Variants in TRAF1 observed in about 807,000 individuals in gnomAD.
The protein encoded by TRAF1 is TNF receptor-associated factor 1.
Under a neutral mutation model 40.9 loss-of-function variants are expected in TRAF1, and 23 were observed. That is an observed-to-expected ratio of 0.56 (90% CI 0.40 to 0.80). The LOEUF is 0.80. Ranked by LOEUF, TRAF1 falls within the 30% of genes least tolerant of loss-of-function variation. The pLI is 0.00. For synonymous variants in TRAF1, 206 were observed against 218.8 expected, an observed-to-expected ratio of 0.94 and a Z score of 0.52; for missense variants, 477 against 528.7, an observed-to-expected ratio of 0.90 and a Z score of 0.96.
chr9:120,911,857 C>T (rs761808700), intron 5 of TRAF1, among the ~76,000 whole-genome samples: 1 of 152,202 alleles, frequency 6.6e-6, no homozygotes, highest in Non-Finnish European at 1.5e-5. Context: ...TGGGCCCATG[C>T]TCATTGTGTC....
chr9:120,925,791 A>G (rs1588154313), intron 2 of TRAF1, 145 bp downstream of exon 2: 1 of 1,159,626 alleles, frequency 8.6e-7, no homozygotes, highest in South Asian at 1.5e-5. Context: ...AGTGTCAGGG[A>G]GTGTGAGAAA....
upstream of TRAF1, chr9:120,929,133 C>T (rs912291123): frequency 6.6e-6 from 1 of 152,450 alleles, no homozygotes; most frequent in Non-Finnish European, 1.5e-5. This position sits in a 1 kb window ranked among gnomAD's most constrained non-coding sequence, Gnocchi z 4.5. Context: ...GCCTCCGCCA[C>T]CGCCTACCGG....
Position 120,913,451 on chromosome 9 carries a change from C to T in TRAF1, c.582G>A (p.Leu194=), listed in dbSNP as rs762091860. 3.7e-6 allele frequency: 6 copies of T among 1,613,888 alleles called. No homozygotes were observed. Among genetic ancestry groups the T allele is most frequent in the Middle Eastern group, 1.6e-4 (1 of 6,084 alleles). Residue 194 remains leucine (L), a synonymous_variant, in exon 5 of 8, where the codon CTG becomes CTA. Transcript: ENST00000373887. Reference sequence around the variant, plus strand: ...CAGCAACAATGTTCTCAAACACACGCAGCTTCCCCTCCAGCTCAGCCAGAA... The same window carrying T: ...CAGCAACAATGTTCTCAAACACACGTAGCTTCCCCTCCAGCTCAGCCAGAA... ...EKLLAELEGK[L]RVFENIVAVL...
intron 3 of TRAF1, among the ~76,000 whole-genome samples, chr9:120,919,821 G>A (rs2046593548): frequency 6.6e-6 from 1 of 152,194 alleles, no homozygotes; most frequent in African/African-American, 2.4e-5. Context: ...AAGCCTGACT[G>A]TGTTATTTAA....
rs754567721 is a variant in TRAF1 at position 120,911,522 on chromosome 9, A to T, written c.706-9T>A. 1.8e-5 allele frequency: 29 copies of T among 1,605,694 alleles called. No individual in the cohort carries two copies. Among genetic ancestry groups the T allele is most frequent in the Non-Finnish European group, 2.5e-5 (29 of 1,174,082 alleles). On this transcript the variant is annotated splice_polypyrimidine_tract_variant and intron_variant, in intron 5 of 7. Coordinates refer to ENST00000373887, the MANE Select transcript of TRAF1 (RefSeq NM_005658.5). The stretch of plus-strand genomic sequence containing the variant: ...TGCTGAAGCTCCACCACCTGTAGGG[A>T]AGACTGTTCAGCCAGGAACACCAGA...
chr9:120,903,712 C>T lies in TRAF1; in HGVS notation c.*1308G>A, dbSNP rs1344089387. 6.6e-6 allele frequency: 1 copy of T among 152,238 alleles called. No individual in the cohort carries two copies. The highest frequency in any genetic ancestry group is 1.5e-5 in the Non-Finnish European group (1 of 68,098). The allele number at this position is 152,238 out of a possible 1,614,324, so 9.4% of individuals were successfully genotyped here. Reference sequence around the variant, plus strand: ...AGGCCATGACAGGCGGGCAGTATTGCCCAGGCTTCTCTCTCCAGTCTGTCC... The same window carrying T: ...AGGCCATGACAGGCGGGCAGTATTGTCCAGGCTTCTCTCTCCAGTCTGTCC... On this transcript the variant is annotated 3_prime_UTR_variant, in exon 8 of 8. Coordinates refer to ENST00000373887, the MANE Select transcript of TRAF1 (RefSeq NM_005658.5).
In TRAF1 at chr9:120,905,517, G is replaced by A. The variant is rs560221077; in HGVS notation, c.1033-279C>T. ...TCCAGCCAGCAGGAAGCAGGGGAAG[G>A]TTCTGATGCCCCAGTCAAGTGTGAC... On this transcript the variant is annotated intron_variant, in intron 7 of 7. Coordinates refer to ENST00000373887, the MANE Select transcript of TRAF1 (RefSeq NM_005658.5). Among the ~76,000 whole-genome samples, 4 of 152,336 alleles carry A rather than the reference G, an allele frequency of 2.6e-5. No individual in the cohort carries two copies. The East Asian group carries it at 7.7e-4, about 29-fold the overall frequency.
At chr9:120,906,756 A>G (rs1383543906) in intron 7 of TRAF1, among the ~76,000 whole-genome samples, 1 of 152,240 alleles carries the variant, frequency 6.6e-6, no homozygotes, top group Non-Finnish European at 1.5e-5. Flanking sequence ...CCACCATAAC[A>G]GTATCAAACA....
chr9:120,915,048 C>T (rs117150745), intron 3 of TRAF1, among the ~76,000 whole-genome samples: 3 of 152,230 alleles, frequency 2.0e-5, no homozygotes, highest in South Asian at 2.1e-4. Flanking sequence ...CCAAGGAGGC[C>T]GAGCTGGGAG....
Position 120,913,540 on chromosome 9 carries a change from A to G in TRAF1, c.493T>C (p.Tyr165His). 1.2e-6 allele frequency: 2 copies of G among 1,613,790 alleles called. No homozygotes were observed. The highest frequency in any genetic ancestry group is 2.2e-5 in the East Asian group (1 of 44,876). ...EVAGDLEVDCYRAPCSESQEE... is the reference protein window; with the variant it reads ...EVAGDLEVDCHRAPCSESQEE... ...TGGCTCTCGGAGCAGGGTGCCCGGT[A>G]GCAATCGACCTCCAGGTCCCCCGCC... Residue 165 changes from tyrosine to histidine, a missense_variant, in exon 5 of 8, where the codon TAC becomes CAC. Transcript: ENST00000373887.
At chr9:120,905,340 C>T in intron 7 of TRAF1, 102 bp from the exon 8 acceptor site, 3 of 1,221,382 alleles carry the variant, frequency 2.5e-6, no homozygotes, top group Non-Finnish European at 3.4e-6. Context: ...ACTGCCTGTG[C>T]AGCCCCTCAG....
At chr9:120,910,029 A>T (rs2046514606) in intron 6 of TRAF1, among the ~76,000 whole-genome samples, 1 of 152,186 alleles carries the variant, frequency 6.6e-6, no homozygotes, top group Admixed American at 6.5e-5. Context: ...GGGCTGAATC[A>T]TACCTGGTGA....
At chr9:120,919,202 C>T (rs2046588554) in intron 3 of TRAF1, among the ~76,000 whole-genome samples, 1 of 152,232 alleles carries the variant, frequency 6.6e-6, no homozygotes, top group East Asian at 1.9e-4. Context: ...GTGTGAGTGG[C>T]CTCACTGCTT....
chr9:120,909,208 C>T, intron 7 of TRAF1, 22 bp downstream of exon 7: 1 of 1,611,436 alleles, frequency 6.2e-7, no homozygotes, highest in East Asian at 2.2e-5. Context: ...CCACCTTACC[C>T]CCATCACCTT....
upstream of TRAF1, chr9:120,928,625 G>C (rs1197485325): frequency 6.6e-6 from 1 of 152,420 alleles, no homozygotes; most frequent in Non-Finnish European, 1.5e-5. Flanking sequence ...TGCGCCGCGT[G>C]TCCCCATCTC....
Position 120,909,335 on chromosome 9 carries a change from C to T in TRAF1, c.927G>A (p.Leu309=), listed in dbSNP as rs112060909. 2.8e-3 allele frequency: 4,537 copies of T among 1,614,162 alleles called. 115 individuals are homozygous for T. In the African/African-American group the frequency reaches 0.048, roughly 17 times the overall value. ...TTCCAGTGCCATCTCCATTCAGGTA[C>T]AGCCGCAGGCACAACTTGTAGCCAT... The part of the protein sequence containing the change: ...AKYGYKLCLR[L]YLNGDGTGKR... Residue 309 remains leucine (L), a synonymous_variant, in exon 7 of 8, where the codon CTG becomes CTA. Transcript: ENST00000373887.
chr9:120,906,173 G>GGT (rs755928507), intron 7 of TRAF1, among the ~76,000 whole-genome samples: 4 of 84,880 alleles, frequency 4.7e-5, no homozygotes, highest in African/African-American at 1.8e-4. Flanking sequence ...ATTATGGTGT[G>GGT]TTTTTTTTTT....
chr9:120,911,407 C>G lies in TRAF1; in HGVS notation c.812G>C (p.Trp271Ser). The change falls in exon 6 of 8, where the codon TGG becomes TCG. Residue 271 changes from tryptophan (W) to serine (S), a missense_variant. Physicochemically the swap from Trp to Ser is radical, Grantham distance 177 (BLOSUM62 -3). Coordinates refer to ENST00000373887, the MANE Select transcript of TRAF1 (RefSeq NM_005658.5). ...EEASFDGTFLWKITNVTRRCH... is the reference protein window; with the variant it reads ...EEASFDGTFLSKITNVTRRCH... The stretch of plus-strand genomic sequence containing the variant: ...CCGCCTGGTGACATTGGTGATCTTC[C>G]ACAGGAAAGTGCCATCGAAGGAGGC... The G allele has an allele frequency of 6.2e-7, 1 of 1,613,666 alleles. No homozygotes were observed. Among genetic ancestry groups the G allele is most frequent in the Middle Eastern group, 1.6e-4 (1 of 6,062 alleles).
Position 120,926,290 on chromosome 9 carries a change from G to C in TRAF1, c.-215C>G, listed in dbSNP as rs2131637547. 4.4e-6 allele frequency: 2 copies of C among 456,560 alleles called. No individual in the cohort carries two copies. The highest frequency in any genetic ancestry group is 1.1e-4 in the South Asian group (2 of 18,874). 28.3% of individuals were successfully genotyped at this position (456,560 alleles called of 1,614,324 possible). A position where few individuals can be genotyped will look rare whatever the true frequency, so the allele number is the denominator to read the frequency against. ...TTGTGGCGATAAAAATCCCCTGGATGGTGACTGAAGGCTTTAGGAGTGTCC... is the reference window on the plus strand; with the variant it reads ...TTGTGGCGATAAAAATCCCCTGGATCGTGACTGAAGGCTTTAGGAGTGTCC... On this transcript the variant is annotated 5_prime_UTR_variant, in exon 2 of 8. Coordinates refer to ENST00000373887, the MANE Select transcript of TRAF1 (RefSeq NM_005658.5).
Sources: allele counts gnomAD v4.1 joint callset (sites outside exome capture counted in the v4.1 genomes callset), GRCh38; gene constraint gnomAD v4.1.1; non-coding constraint Gnocchi (gnomAD v3.1); transcripts MANE v1.5; gene names NCBI Gene and HGNC (gene_info 2026-07-23, HGNC 2026-07-21).